Variants in CUL9 observed in about 807,000 individuals in gnomAD.
The protein encoded by CUL9 is cullin 9.
Under a neutral mutation model 272.6 loss-of-function variants are expected in CUL9, and 79 were observed. The ratio of observed to expected loss-of-function variants is 0.29; its 90% CI spans 0.24 to 0.35. CUL9 has a LOEUF of 0.35. Among genes scored for constraint, CUL9 ranks in the 10% least tolerant of loss-of-function variants. CUL9 has a pLI of 1.00. For synonymous variants in CUL9, 1,186 were observed against 1,286.5 expected, an observed-to-expected ratio of 0.92 and a Z score of 1.67; for missense variants, 2,532 against 3,255.6, an observed-to-expected ratio of 0.78 and a Z score of 5.41.
At chr6:43,212,656 A>AT (rs768116414) in intron 26 of CUL9, 4,889 of 146,176 alleles carry the variant, frequency 0.033, 226 homozygotes, top group African/African-American at 0.1. Flanking sequence ...TTGCAGGTGG[A>AT]TTTTTTTTTT....
Position 43,200,263 on chromosome 6 carries a change from A to G in CUL9, c.3384+107A>G. The stretch of plus-strand genomic sequence containing the variant: ...ATCCCTGTTTGGCACAGGTTGTAGC[A>G]AATCTGGGGCACTTGTTTCCTAACC... On this transcript the variant is annotated intron_variant, in intron 14 of 40. Coordinates refer to ENST00000252050, the MANE Select transcript of CUL9 (RefSeq NM_015089.4). The surrounding 1 kb of genome is among the most constrained non-coding windows in gnomAD (Gnocchi z 4.0). 1 of 1,447,616 alleles carries G rather than the reference A, an allele frequency of 6.9e-7. No homozygotes were observed. The highest frequency in any genetic ancestry group is 9.5e-7 in the Non-Finnish European group (1 of 1,054,000). 89.7% of individuals were successfully genotyped at this position (1,447,616 alleles called of 1,614,324 possible).
chr6:43,187,758 A>C lies in CUL9; in HGVS notation c.1627A>C (p.Met543Leu), dbSNP rs761883465. 4.0e-5 allele frequency: 65 copies of C among 1,613,314 alleles called. No individual in the cohort carries two copies. The highest frequency in any genetic ancestry group is 2.7e-5 in the Non-Finnish European group (32 of 1,179,956). The change falls in exon 7 of 41, where the codon ATG (methionine) becomes CTG (leucine). Residue 543 changes from methionine (M) to leucine (L), a missense_variant. Physicochemically the swap from Met to Leu is conservative, Grantham distance 15. Transcript: ENST00000252050. ...ALGEISVSVE[M>L]AESLLQVLSS... ...AGGTGAGATCTCTGTGTCCGTGGAA[A>C]TGGCCGAGAGTCTGCTGCAGGTTCT...
intron 16 of CUL9, 69 bp from the exon 17 acceptor site, chr6:43,202,647 T>G: frequency 7.3e-7 from 1 of 1,365,388 alleles, no homozygotes; most frequent in Non-Finnish European, 1.0e-6. Context: ...TCCCAAAGTG[T>G]TGGGATTACA....
Position 43,188,542 on chromosome 6 carries a change from G to A in CUL9, c.2007G>A (p.Arg669=). The part of the protein sequence containing the change: ...EAASEMARAL[R]GPGPRSSLDQ... The stretch of plus-strand genomic sequence containing the variant: ...TTTCAGAAATGGCCAGAGCCTTGCG[G>A]GGTCCCGGTCCTCGCAGCTCCCTGG... Residue 669 remains arginine, a synonymous_variant, in exon 8 of 41, where the codon CGG becomes CGA. Transcript: ENST00000252050. The A allele has an allele frequency of 6.2e-7, 1 of 1,610,256 alleles. No homozygotes were observed. Among genetic ancestry groups the A allele is most frequent in the South Asian group, 1.1e-5 (1 of 90,576 alleles).
chr6:43,186,035 A>G lies in CUL9; in HGVS notation c.831A>G (p.Pro277=), dbSNP rs779981942. ...TCCTGGATCAGCTGAATAGCAGTCC[A>G]GAGCTGGGAGCTGGAGACCAAAGCT... The part of the protein sequence containing the change: ...TSLLDQLNSS[P]ELGAGDQSSP... Residue 277 remains proline (P), a synonymous_variant, in exon 4 of 41, where the codon CCA becomes CCG. Transcript: ENST00000252050. 6.2e-7 allele frequency: 1 copy of G among 1,614,256 alleles called. No homozygotes were observed. The highest frequency in any genetic ancestry group is 8.5e-7 in the Non-Finnish European group (1 of 1,180,040).
chr6:43,223,840 A>C lies in CUL9; in HGVS notation c.7285-255A>C. 3.6e-6 allele frequency: 2 copies of C among 552,932 alleles called. No homozygotes were observed. Among genetic ancestry groups the C allele is most frequent in the Non-Finnish European group, 6.5e-6 (2 of 307,464 alleles). 34.3% of individuals were successfully genotyped at this position (552,932 alleles called of 1,614,324 possible). On this transcript the variant is annotated intron_variant, in intron 39 of 40. Coordinates refer to ENST00000252050, the MANE Select transcript of CUL9 (RefSeq NM_015089.4). The surrounding 1 kb of genome is among the most constrained non-coding windows in gnomAD (Gnocchi z 4.1). ...GTCCTCAGGTTGCTTACTGACTGGT[A>C]AGTCACATGGGCAGAAAAGACATAG...
At position 43,200,970 on chromosome 6, in the gene CUL9, A is replaced by G; in HGVS notation, c.3647+136A>G. ...CCTATTTTGTGCAGTGAACACATAG[A>G]CACATTGACCTGCCTTTGCTGAGTA... On this transcript the variant is annotated intron_variant, in intron 16 of 40. Coordinates refer to ENST00000252050, the MANE Select transcript of CUL9 (RefSeq NM_015089.4). This position sits in a 1 kb window ranked among gnomAD's most constrained non-coding sequence, Gnocchi z 4.0. The G allele has an allele frequency of 9.0e-7, 1 of 1,111,774 alleles. No individual in the cohort carries two copies. The highest frequency in any genetic ancestry group is 1.4e-5 in the South Asian group (1 of 69,208). 68.9% of individuals were successfully genotyped at this position (1,111,774 alleles called of 1,614,324 possible).
intron 9 of CUL9, among the ~76,000 whole-genome samples, chr6:43,194,821 C>G (rs1773856172): frequency 6.6e-6 from 1 of 152,064 alleles, no homozygotes; most frequent in African/African-American, 2.4e-5. Context: ...TTTGGGAGAC[C>G]AAGGCGGGTG....
Position 43,187,811 on chromosome 6 carries a change from C to G in CUL9, c.1680C>G (p.Leu560=). The change falls in exon 7 of 41, where the codon CTC becomes CTG. Residue 560 remains leucine (L), a synonymous_variant. Transcript: ENST00000252050. ...GTAGTCGATTTGAGGGCAGCACTCT[C>G]AATGACCTGCTCAACTCCCAGATCT... is the stretch of plus-strand genomic sequence containing the variant. ...VLSSRFEGST[L]NDLLNSQIYT... is the part of the protein sequence containing the mutation. 1 of 1,515,482 alleles carries G rather than the reference C, an allele frequency of 6.6e-7. No individual in the cohort carries two copies. The highest frequency in any genetic ancestry group is 1.2e-5 in the South Asian group (1 of 85,432). The allele number at this position is 1,515,482 out of a possible 1,614,324, so 93.9% of individuals were successfully genotyped here. A position where few individuals can be genotyped will look rare whatever the true frequency, so the allele number is the denominator to read the frequency against.
intron 7 of CUL9, 53 bp from the exon 8 acceptor site, chr6:43,188,470 A>G (rs985235233): frequency 2.0e-6 from 3 of 1,502,794 alleles, no homozygotes; most frequent in African/African-American, 2.8e-5. Context: ...AAAGACTTCT[A>G]ACTTCAAGGT....
chr6:43,188,188 C>T, intron 7 of CUL9, 70 bp downstream of exon 7: 1 of 1,565,988 alleles, frequency 6.4e-7, no homozygotes. Flanking sequence ...AATGGATAGT[C>T]AGGATCGAAG....
chr6:43,205,959 C>T lies in CUL9; in HGVS notation c.4794-48C>T, dbSNP rs781406933. 2.6e-6 allele frequency: 4 copies of T among 1,562,508 alleles called. No homozygotes were observed. In the Admixed American group the frequency reaches 5.1e-5, roughly 20 times the overall value. ...TACATTCTCGAGGGGGAGGCTGGGC[C>T]ACGCTGGCACCCACACTGAGGCTTG... On this transcript the variant is annotated intron_variant, in intron 24 of 40. Transcript: ENST00000252050.
rs988354004 is a variant in CUL9, at chr6:43,196,395, C to T, written c.2585+130C>T. 4 of 970,672 alleles carry T rather than the reference C, an allele frequency of 4.1e-6. No homozygotes were observed. In the Admixed American group the frequency reaches 1.1e-4, roughly 26 times the overall value. 60.1% of individuals were successfully genotyped at this position (970,672 alleles called of 1,614,324 possible). ...ACCTCCGGATTAAGCATTGGTGGCG[C>T]TGCCAACTGTTGTTGGAGGAGAACC... On this transcript the variant is annotated intron_variant, in intron 10 of 40. Coordinates refer to ENST00000252050, the MANE Select transcript of CUL9 (RefSeq NM_015089.4).
chr6:43,192,903 G>A (rs1773655755), intron 8 of CUL9, 98 bp from the exon 9 acceptor site: 6 of 1,021,674 alleles, frequency 5.9e-6, no homozygotes, highest in Non-Finnish European at 9.0e-6. Flanking sequence ...ACTAGATCTT[G>A]GTGGATGGGA....
intron 29 of CUL9, 47 bp from the exon 30 acceptor site, chr6:43,215,032 T>C: frequency 7.1e-6 from 11 of 1,542,552 alleles, no homozygotes; most frequent in Non-Finnish European, 9.6e-6. Context: ...CCCAGCAGCC[T>C]GCTCCCTACA....
rs77842851 is a variant in CUL9, at chr6:43,205,115, C to T, written c.4632C>T (p.His1544=). 6 of 1,581,750 alleles carry T rather than the reference C, an allele frequency of 3.8e-6. No individual in the cohort carries two copies. The East Asian group carries it at 6.8e-5, about 18-fold the overall frequency. ...AGCAGTCCTTCCTCACTGCTGCTCA[C>T]GTGAGTCCCACCAGCTCCCCACAGG... ...LLQQSFLTAA[H]MSEQFARYID... is the part of the protein sequence containing the mutation. Residue 1544 remains histidine (H), a splice_region_variant and synonymous_variant, in exon 23 of 41, where the codon CAC becomes CAT. Transcript: ENST00000252050.
At chr6:43,204,059 C>G (rs1774854477) in intron 20 of CUL9, 72 bp downstream of exon 20, 1 of 1,511,442 alleles carries the variant, frequency 6.6e-7, no homozygotes, top group African/African-American at 1.4e-5. Flanking sequence ...TGAGTTAATG[C>G]TCTTGGTTCT....
chr6:43,215,430 CCT>C, intron 30 of CUL9, 104 bp downstream of exon 30: 1 of 1,444,254 alleles, frequency 6.9e-7, no homozygotes, highest in Non-Finnish European at 9.2e-7. Context: ...TGTCTGATCC[CCT>C]TTTCCCTATC....
In CUL9 at chr6:43,220,896, C is replaced by T; in HGVS notation, c.6573C>T (p.Asn2191=). The change falls in exon 33 of 41, where the codon AAC becomes AAT. Residue 2191 remains asparagine, a synonymous_variant. Transcript: ENST00000252050. The surrounding 1 kb of genome is among the most constrained non-coding windows in gnomAD (Gnocchi z 4.9). ...AGTGTGGCTGGGCCTCTTGCTTCAA[C>T]TGTAGCTTCCCTGAGGTGGGAGCCC... ...CSKCGWASCF[N]CSFPEAHYPA... 1 of 1,611,868 alleles carries T rather than the reference C, an allele frequency of 6.2e-7. No individual in the cohort carries two copies. Among genetic ancestry groups the T allele is most frequent in the Non-Finnish European group, 8.5e-7 (1 of 1,179,068 alleles).
Sources: allele counts gnomAD v4.1 joint callset (sites outside exome capture counted in the v4.1 genomes callset), GRCh38; gene constraint gnomAD v4.1.1; non-coding constraint Gnocchi (gnomAD v3.1); transcripts MANE v1.5; gene names NCBI Gene and HGNC (gene_info 2026-07-23, HGNC 2026-07-21).